PKD2: variants seen among roughly 807,000 people sequenced by gnomAD.
PKD2 encodes the protein polycystin-2.
Under a neutral mutation model 105.9 loss-of-function variants are expected in PKD2, and 48 were observed. The observed-to-expected ratio is 0.45, with a 90% CI of 0.36 to 0.58. The LOEUF is 0.58. Ranked by LOEUF, PKD2 falls within the 20% of genes least tolerant of loss-of-function variation. The pLI, the probability that PKD2 is intolerant of heterozygous loss-of-function variation, is 0.00. For synonymous variants in PKD2, 464 were observed against 481.1 expected (o/e 0.96, Z 0.46); for missense variants, 1,078 against 1,255.3 (o/e 0.86, Z 2.13).
chr4:88,067,877 C>T, intron 12 of PKD2, 21 bp from the exon 13 acceptor site: 1 of 1,611,452 alleles, frequency 6.2e-7, no homozygotes, highest in Non-Finnish European at 8.5e-7. Flanking sequence ...GCTCCTCACT[C>T]AGTGACCCCT....
intron 1 of PKD2, among the ~76,000 whole-genome samples, chr4:88,009,543 G>C (rs181959890): frequency 6.6e-6 from 1 of 151,934 alleles, no homozygotes; most frequent in African/African-American, 2.4e-5. Context: ...GACTCTTTGG[G>C]AGAATTAAGT....
At chr4:88,045,478 C>T (rs1727732813) in intron 5 of PKD2, among the ~76,000 whole-genome samples, 1 of 152,212 alleles carries the variant, frequency 6.6e-6, no homozygotes, top group Non-Finnish European at 1.5e-5. Context: ...CCTGTATGCT[C>T]AGGTTCCAGG....
intron 13 of PKD2, among the ~76,000 whole-genome samples, chr4:88,068,668 AT>A (rs1260833359): frequency 6.6e-6 from 1 of 152,232 alleles, no homozygotes; most frequent in Non-Finnish European, 1.5e-5. Context: ...GGCCTAACAT[AT>A]GGTTCGTCCT....
At chr4:88,009,203 T>A (rs1419871030) in intron 1 of PKD2, among the ~76,000 whole-genome samples, 1 of 152,200 alleles carries the variant, frequency 6.6e-6, no homozygotes, top group Non-Finnish European at 1.5e-5. Flanking sequence ...CCAGAGGAAA[T>A]TCTCTTTTTA....
chr4:88,052,264 C>A, intron 7 of PKD2, 106 bp downstream of exon 7: 2 of 743,786 alleles, frequency 2.7e-6, no homozygotes, highest in Non-Finnish European at 4.7e-6. Flanking sequence ...AGTGACCAGC[C>A]AAAGCTGCTC....
intron 9 of PKD2, among the ~76,000 whole-genome samples, chr4:88,061,547 G>A (rs556814813): frequency 1.3e-5 from 2 of 152,172 alleles, no homozygotes; most frequent in Admixed American, 1.3e-4. Context: ...AGACCAGCCT[G>A]GCCAACGTGG....
intron 2 of PKD2, among the ~76,000 whole-genome samples, chr4:88,027,336 G>C (rs1172830238): frequency 6.6e-6 from 1 of 152,242 alleles, no homozygotes; most frequent in Non-Finnish European, 1.5e-5. Context: ...GGAGATTTTG[G>C]AGATCTAAGA....
In PKD2 at chr4:88,041,529, C is replaced by A. The variant is rs148464652; in HGVS notation, c.1095-1704C>A. On this transcript the variant is annotated intron_variant, in intron 4 of 14. Transcript: ENST00000237596. ...TGGTGTAGGCTTCCAGGAGCCCTCT[C>A]CCAGTGAGGTCACATAGGATGTGCT... Among the ~76,000 whole-genome samples, 131 of 152,250 alleles carry A rather than the reference C, an allele frequency of 8.6e-4. No homozygotes were observed. In the East Asian group the frequency reaches 0.024, roughly 28 times the overall value.
chr4:88,039,964 A>T (rs1333937898), intron 4 of PKD2, among the ~76,000 whole-genome samples: 1 of 152,132 alleles, frequency 6.6e-6, no homozygotes, highest in African/African-American at 2.4e-5. Flanking sequence ...GCATGCCTTC[A>T]TCTGTGGTAC....
chr4:88,068,336 G>T (rs1171804357), intron 13 of PKD2, among the ~76,000 whole-genome samples: 1 of 152,054 alleles, frequency 6.6e-6, no homozygotes, highest in Non-Finnish European at 1.5e-5. Flanking sequence ...TGGGCATGGT[G>T]GTGGGCACCT....
chr4:88,050,043 C>T (rs371832245), intron 6 of PKD2, among the ~76,000 whole-genome samples: 1 of 145,822 alleles, frequency 6.9e-6, no homozygotes, highest in Non-Finnish European at 1.5e-5. Context: ...GGCACCATCT[C>T]GGCTCACTGC....
intron 2 of PKD2, among the ~76,000 whole-genome samples, chr4:88,020,845 A>T (rs557542486): frequency 1.3e-5 from 2 of 152,066 alleles, no homozygotes; most frequent in African/African-American, 2.4e-5. Flanking sequence ...GCACACCACC[A>T]TGCCCAGCTA....
rs544724173 is a variant in PKD2 at position 88,049,375 on chromosome 4, G to A, written c.1548+2505G>A. On this transcript the variant is annotated intron_variant, in intron 6 of 14. Transcript: ENST00000237596. ...TTGCACCTGCTTTGGCGACCAATAGGAAGAAAGGCAATGATATCATGGAAA... is the reference window on the plus strand; with the variant it reads ...TTGCACCTGCTTTGGCGACCAATAGAAAGAAAGGCAATGATATCATGGAAA... 2.6e-4 allele frequency among the ~76,000 whole-genome samples: 40 copies of A among 152,292 alleles called. 1 individual carries two copies. The South Asian group carries it at 6.0e-3, about 23-fold the overall frequency.
In PKD2 at chr4:88,075,656, G is replaced by C. The variant is rs1721206737; in HGVS notation, c.2869G>C (p.Gly957Arg). The change falls in exon 15 of 15, where the codon GGT (glycine) becomes CGT (arginine). Residue 957 changes from glycine (G) to arginine (R), a missense_variant. Around this residue, in one of 2 missense-constraint regions of PKD2, gnomAD observed 868 missense variants for 1,067.3 expected, o/e 0.81. Transcript: ENST00000237596. ...SSSQSTEGME[G>R]AGGNGSSNVH... ...CTCCCAATCTACAGAAGGCATGGAAGGTGCAGGTGGAAATGGGAGTTCTAA... is the reference window on the plus strand; with the variant it reads ...CTCCCAATCTACAGAAGGCATGGAACGTGCAGGTGGAAATGGGAGTTCTAA... The C allele has an allele frequency of 6.2e-7, 1 of 1,613,914 alleles. No homozygotes were observed. Among genetic ancestry groups the C allele is most frequent in the African/African-American group, 1.3e-5 (1 of 74,910 alleles).
At position 88,067,938 on chromosome 4, in the gene PKD2, T is replaced by C. The variant is rs376271163; in HGVS notation, c.2399T>C (p.Met800Thr). ...GATCACAGTTCTTTACCACGTCCCATGAGCAGCCGAAGTTTCCCTCGAAGC... is the reference window on the plus strand; with the variant it reads ...GATCACAGTTCTTTACCACGTCCCACGAGCAGCCGAAGTTTCCCTCGAAGC... ...DLDHSSLPRPMSSRSFPRSLD... is the reference protein window; with the variant it reads ...DLDHSSLPRPTSSRSFPRSLD... Residue 800 changes from methionine (M) to threonine (T), a missense_variant, in exon 13 of 15, where the codon ATG becomes ACG. Around this residue, in one of 2 missense-constraint regions of PKD2, gnomAD observed 868 missense variants for 1,067.3 expected, o/e 0.81. Coordinates refer to ENST00000237596, the MANE Select transcript of PKD2 (RefSeq NM_000297.4). The C allele has an allele frequency of 2.3e-5, 37 of 1,613,962 alleles. No homozygotes were observed. In the African/African-American group the frequency reaches 3.2e-4, roughly 14 times the overall value.
intron 3 of PKD2, among the ~76,000 whole-genome samples, chr4:88,037,070 A>G (rs898040285): frequency 2.6e-5 from 4 of 152,170 alleles, no homozygotes; most frequent in Non-Finnish European, 4.4e-5. Context: ...TCTCTCCAAA[A>G]AAGTTAAAGA....
chr4:88,054,694 G>T (rs560059693), intron 7 of PKD2, among the ~76,000 whole-genome samples: 1 of 127,046 alleles, frequency 7.9e-6, no homozygotes, highest in Admixed American at 9.2e-5. Flanking sequence ...TTGCTCTGTC[G>T]CCCAGGCTGG....
chr4:88,067,326 A>G (rs1180377890), intron 12 of PKD2, among the ~76,000 whole-genome samples: 1 of 152,144 alleles, frequency 6.6e-6, no homozygotes, highest in Non-Finnish European at 1.5e-5. Flanking sequence ...CAAATAAGGG[A>G]TACTCAACCT....
intron 5 of PKD2, among the ~76,000 whole-genome samples, chr4:88,046,194 G>A (rs1355111000): frequency 2.0e-5 from 3 of 152,070 alleles, no homozygotes; most frequent in East Asian, 1.9e-4. Flanking sequence ...GGAGGCTAAG[G>A]CAGGAGAATC....
Sources: gnomAD v4.1 joint callset for allele counts (sites outside exome capture counted in the v4.1 genomes callset) on GRCh38, gnomAD v4.1.1 for gene constraint, gnomAD v4.1.1 regional missense constraint, MANE v1.5 for transcripts, NCBI Gene and HGNC (gene_info 2026-07-23, HGNC 2026-07-21) for gene names.